The following B4GALT1 variants were observed in gnomAD, a reference collection of about 807,000 sequenced individuals.
B4GALT1 encodes the protein beta-1,4-galactosyltransferase 1.
In B4GALT1, 16 loss-of-function variants were observed where a neutral mutation model predicts 34.9. That is an observed-to-expected ratio of 0.46 (90% CI 0.31 to 0.70). The LOEUF (loss-of-function observed/expected upper bound fraction) is 0.70, where lower values mean the gene tolerates loss of function less well. Among genes scored for constraint, B4GALT1 ranks in the 30% least tolerant of loss-of-function variants. The probability of loss-of-function intolerance (pLI) is 0.05; values close to 1 mark genes in which losing one functional copy is unlikely to be tolerated. For synonymous variants in B4GALT1, 221 were observed against 218.1 expected (o/e 1.01, Z -0.12); for missense variants, 445 against 530.5 (o/e 0.84, Z 1.58).
chr9:33,160,002 C>A (rs1202931977), intron 1 of B4GALT1, among the ~76,000 whole-genome samples: 1 of 152,236 alleles, frequency 6.6e-6, no homozygotes, highest in Non-Finnish European at 1.5e-5. Context: ...TTTGCCCCTG[C>A]CCCCAGGCAC....
intron 4 of B4GALT1, 89 bp from the exon 5 acceptor site, chr9:33,113,967 C>T: frequency 8.3e-7 from 1 of 1,201,870 alleles, no homozygotes; most frequent in Non-Finnish European, 1.2e-6. Flanking sequence ...CTCCATCCAC[C>T]ATCACCCTTG....
At chr9:33,181,460 A>AC in the B4GALT1 span, among the ~76,000 whole-genome samples, 79 of 151,720 alleles carry the variant, frequency 5.2e-4, no homozygotes, top group East Asian at 9.7e-4. Flanking sequence ...ACACACACAC[A>AC]AACTATTCTT....
intron 1 of B4GALT1, among the ~76,000 whole-genome samples, chr9:33,141,933 G>A (rs1459449066): frequency 6.6e-6 from 1 of 152,090 alleles, no homozygotes; most frequent in East Asian, 1.9e-4. Flanking sequence ...ATTTTGCACT[G>A]TTTCAAAATC....
In B4GALT1 at chr9:33,153,552, C is replaced by T. The variant is rs185971863; in HGVS notation, c.412+13206G>A. On this transcript the variant is annotated intron_variant, in intron 1 of 5. Coordinates refer to ENST00000379731, the MANE Select transcript of B4GALT1 (RefSeq NM_001497.4). ...GGGACTATCCCTACACCAACTTTAA[C>T]GGAAATAAAAAGGATCATAAGGAAT... is the stretch of plus-strand genomic sequence containing the variant. Among the ~76,000 whole-genome samples, 37 of 152,044 alleles carry T rather than the reference C, an allele frequency of 2.4e-4. 1 individual carries two copies. Among genetic ancestry groups the T allele is most frequent in the East Asian group, 2.1e-3 (11 of 5,186 alleles).
At chr9:33,178,232 T>TG in the B4GALT1 span, among the ~76,000 whole-genome samples, 1 of 152,104 alleles carries the variant, frequency 6.6e-6, no homozygotes, top group African/African-American at 2.4e-5. Flanking sequence ...GGTCAAGCTT[T>TG]CTACCCACCT....
chr9:33,141,286 C>T (rs1209094042), intron 1 of B4GALT1, among the ~76,000 whole-genome samples: 6 of 152,030 alleles, frequency 3.9e-5, no homozygotes, highest in Admixed American at 3.3e-4. Flanking sequence ...AGGCAGGTCA[C>T]CTTGAGGTCA....
chr9:33,127,335 T>C (rs1381253036), intron 2 of B4GALT1, among the ~76,000 whole-genome samples: 1 of 152,154 alleles, frequency 6.6e-6, no homozygotes, highest in Non-Finnish European at 1.5e-5. Flanking sequence ...CCCGACACAC[T>C]GAAAAGTGGA....
intron 1 of B4GALT1, among the ~76,000 whole-genome samples, chr9:33,153,267 C>T (rs1285059298): frequency 6.6e-6 from 1 of 152,070 alleles, no homozygotes; most frequent in Non-Finnish European, 1.5e-5. Flanking sequence ...TCTATCAAAA[C>T]GTTTAAAGAG....
At position 33,137,171 on chromosome 9, in the gene B4GALT1, G is replaced by A. The variant is rs188053966; in HGVS notation, c.413-1747C>T. On this transcript the variant is annotated intron_variant, in intron 1 of 5. Coordinates refer to ENST00000379731, the MANE Select transcript of B4GALT1 (RefSeq NM_001497.4). Reference sequence around the variant, plus strand: ...GTGTCCCTGCACAAGGGAAGGCCAAGGCCCACAGCTGAGCAAAAGGCCCTT... The same window carrying A: ...GTGTCCCTGCACAAGGGAAGGCCAAAGCCCACAGCTGAGCAAAAGGCCCTT... Among the ~76,000 whole-genome samples the A allele has an allele frequency of 4.6e-5, 7 of 152,316 alleles. No individual in the cohort carries two copies. In the East Asian group the frequency reaches 9.6e-4, roughly 21 times the overall value.
At position 33,113,090 on chromosome 9, in the gene B4GALT1, C is replaced by A; in HGVS notation, c.*364G>T. 6 of 280,490 alleles carry A rather than the reference C, an allele frequency of 2.1e-5. No homozygotes were observed. Among genetic ancestry groups the A allele is most frequent in the South Asian group, 7.9e-5 (2 of 25,172 alleles). The allele number at this position is 280,490 out of a possible 1,614,324, so 17.4% of individuals were successfully genotyped here. On this transcript the variant is annotated 3_prime_UTR_variant, in exon 6 of 6. Transcript: ENST00000379731. ...TCCGAATTTTCACGAATAAGAAAAC[C>A]ATAATTTAAAGAAAAATTCTAACCT... is the stretch of plus-strand genomic sequence containing the variant.
At chr9:33,110,237 C>T (rs1839838030), downstream of B4GALT1, among the ~76,000 whole-genome samples, 1 of 152,240 alleles carries the variant, frequency 6.6e-6, no homozygotes, top group Non-Finnish European at 1.5e-5. Flanking sequence ...CAAGAAACCT[C>T]ATTTTGGATA....
At chr9:33,171,013 T>C (rs1446517013), upstream of B4GALT1, among the ~76,000 whole-genome samples, 1 of 152,256 alleles carries the variant, frequency 6.6e-6, no homozygotes, top group Non-Finnish European at 1.5e-5. Context: ...GGCCTTCCTC[T>C]GCCCTCCTAT....
At chr9:33,107,718 T>C (rs1564032525), downstream of B4GALT1, among the ~76,000 whole-genome samples, 1 of 152,172 alleles carries the variant, frequency 6.6e-6, no homozygotes, top group African/African-American at 2.4e-5. Flanking sequence ...CTTGAGGAAA[T>C]GGCTGAGCCT....
In B4GALT1 at chr9:33,113,454, C is replaced by G; in HGVS notation, c.1197G>C (p.Ter399TyrextTer35). The change falls in exon 6 of 6, where the codon TAG becomes TAC. Residue 399 changes from the stop codon to tyrosine (Y), a stop_lost. Coordinates refer to ENST00000379731, the MANE Select transcript of B4GALT1 (RefSeq NM_001497.4). ...GGTCTCTTATCCGTGTACCAAAACG[C>G]TAGCTCGGTGTCCCGATGTCCACTG... ...QITVDIGTPS[*>Y] is the part of the protein sequence containing the mutation. 1 of 1,614,206 alleles carries G rather than the reference C, an allele frequency of 6.2e-7. No individual in the cohort carries two copies. Among genetic ancestry groups the G allele is most frequent in the Non-Finnish European group, 8.5e-7 (1 of 1,180,032 alleles).
At chr9:33,116,225 C>T (rs1839935669) in intron 3 of B4GALT1, 112 bp from the exon 4 acceptor site, 6 of 1,330,178 alleles carry the variant, frequency 4.5e-6, no homozygotes, top group Non-Finnish European at 5.0e-6. Flanking sequence ...TTTTGCTTCT[C>T]TAGAGTTTTT....
At chr9:33,129,982 G>GT (rs1840170415) in intron 2 of B4GALT1, among the ~76,000 whole-genome samples, 1 of 152,196 alleles carries the variant, frequency 6.6e-6, no homozygotes. Flanking sequence ...GTAGGCAGTC[G>GT]TGAAATGCTA....
intron 1 of B4GALT1, among the ~76,000 whole-genome samples, chr9:33,144,588 ATG>A (rs1267949155): frequency 6.6e-6 from 1 of 152,164 alleles, no homozygotes; most frequent in Non-Finnish European, 1.5e-5. Context: ...TTTATGGTAT[ATG>A]TTCTTATAAG....
upstream of B4GALT1, among the ~76,000 whole-genome samples, chr9:33,169,893 C>T (rs1840824212): frequency 6.6e-6 from 1 of 151,462 alleles, no homozygotes; most frequent in South Asian, 2.1e-4. Context: ...GTTGTCTTGC[C>T]TCCCTCATTA....
downstream of B4GALT1, among the ~76,000 whole-genome samples, chr9:33,109,610 C>A (rs1839831667): frequency 6.6e-6 from 1 of 152,202 alleles, no homozygotes; most frequent in African/African-American, 2.4e-5. Context: ...TCAGGCCAGC[C>A]TGGGTGACAC....
Sources: allele counts gnomAD v4.1 joint callset (sites outside exome capture counted in the v4.1 genomes callset), GRCh38; gene constraint gnomAD v4.1.1; transcripts MANE v1.5; gene names NCBI Gene and HGNC (gene_info 2026-07-23, HGNC 2026-07-21).